The following ROBO2 variants were observed in gnomAD, a reference collection of about 807,000 sequenced individuals.
ROBO2 encodes roundabout homolog 2.
ROBO2 carries 53 observed loss-of-function variants against 160.8 expected under a neutral mutation model. That is an observed-to-expected ratio of 0.33 (90% CI 0.26 to 0.41). The LOEUF is 0.41. ROBO2 is among the 10% of genes least tolerant of loss of function. The probability of loss-of-function intolerance (pLI) is 1.00; values close to 1 mark genes in which losing one functional copy is unlikely to be tolerated. For synonymous variants in ROBO2, 664 were observed against 611.7 expected (o/e 1.09, Z -1.26); for missense variants, 1,577 against 1,722.4 (o/e 0.92, Z 1.49).
At chr3:77,588,019 T>C (rs2094096563) in intron 16 of ROBO2, among the ~76,000 whole-genome samples, 1 of 152,106 alleles carries the variant, frequency 6.6e-6, no homozygotes, top group Non-Finnish European at 1.5e-5. Context: ...ATAATCTTAG[T>C]TCAGATTTAA....
intron 2 of ROBO2, among the ~76,000 whole-genome samples, chr3:76,968,572 A>G (rs1029693402): frequency 6.6e-6 from 1 of 152,204 alleles, no homozygotes; most frequent in African/African-American, 2.4e-5. Flanking sequence ...TTAAATGCCA[A>G]TGATTAAGTC....
chr3:75,991,025 C>G (rs1048644097), intron 2 of ROBO2, among the ~76,000 whole-genome samples: 2 of 152,316 alleles, frequency 1.3e-5, no homozygotes, highest in African/African-American at 4.8e-5. Flanking sequence ...ATTGTCACTC[C>G]TGGTTCTTTG....
chr3:76,488,053 T>TATAAAC (rs1439414522), intron 2 of ROBO2, among the ~76,000 whole-genome samples: 4 of 152,174 alleles, frequency 2.6e-5, no homozygotes, highest in Non-Finnish European at 4.4e-5. Context: ...TACACAACCA[T>TATAAAC]ATAAACACGG....
chr3:76,824,258 G>A (rs2066380105), intron 2 of ROBO2, among the ~76,000 whole-genome samples: 1 of 152,158 alleles, frequency 6.6e-6, no homozygotes, highest in Non-Finnish European at 1.5e-5. Flanking sequence ...TAACTGCAGG[G>A]AGGCAAGTAG....
chr3:77,079,286 G>C (rs2068367908), intron 1 of ROBO2, among the ~76,000 whole-genome samples: 1 of 152,150 alleles, frequency 6.6e-6, no homozygotes, highest in Non-Finnish European at 1.5e-5. Context: ...AATACTTTGT[G>C]TTATACTTTA....
At chr3:76,680,927 C>T (rs2092545193) in intron 2 of ROBO2, among the ~76,000 whole-genome samples, 1 of 152,008 alleles carries the variant, frequency 6.6e-6, no homozygotes, top group African/African-American at 2.4e-5. Context: ...CCGGGATGCA[C>T]CATCACGCCC....
chr3:77,354,199 C>T (rs75278963), intron 2 of ROBO2, among the ~76,000 whole-genome samples: 1,667 of 152,264 alleles, frequency 0.011, 18 homozygotes, highest in Middle Eastern at 0.017. Context: ...TCTTCTATTT[C>T]CTGAACAAGT....
chr3:76,172,436 TAAAAA>T (rs59265395), intron 2 of ROBO2, among the ~76,000 whole-genome samples: 3 of 124,752 alleles, frequency 2.4e-5, no homozygotes, highest in African/African-American at 3.0e-5. Flanking sequence ...GTATAATAAT[TAAAAA>T]AAAAAAAAAA....
chr3:76,044,702 T>G (rs777516729), intron 2 of ROBO2, among the ~76,000 whole-genome samples: 3 of 151,974 alleles, frequency 2.0e-5, no homozygotes, highest in Non-Finnish European at 4.4e-5. Flanking sequence ...CAGAAAAAAC[T>G]CATAGGAATG....
At chr3:76,528,661 T>C (rs976627687) in intron 2 of ROBO2, among the ~76,000 whole-genome samples, 1 of 151,868 alleles carries the variant, frequency 6.6e-6, no homozygotes, top group Non-Finnish European at 1.5e-5. Flanking sequence ...ATTCTGGAGT[T>C]CAAGAGACAG....
At chr3:77,408,831 C>T (rs1003199519) in intron 2 of ROBO2, among the ~76,000 whole-genome samples, 1 of 151,948 alleles carries the variant, frequency 6.6e-6, no homozygotes, top group African/African-American at 2.4e-5. Context: ...ATCAAGGGAT[C>T]TTCCTGCCTC....
At chr3:76,365,732 T>C (rs1470719550) in intron 2 of ROBO2, among the ~76,000 whole-genome samples, 1 of 152,084 alleles carries the variant, frequency 6.6e-6, no homozygotes, top group Non-Finnish European at 1.5e-5. Context: ...AAACTATCTA[T>C]TAAATTGAAT....
At chr3:77,167,812 C>T (rs2079237002) in intron 2 of ROBO2, among the ~76,000 whole-genome samples, 2 of 152,020 alleles carry the variant, frequency 1.3e-5, no homozygotes, top group African/African-American at 2.4e-5. Flanking sequence ...ATGGAAGTTA[C>T]CCTGACACTT....
At chr3:76,603,103 G>A (rs530846752) in intron 2 of ROBO2, among the ~76,000 whole-genome samples, 75 of 151,458 alleles carry the variant, frequency 5.0e-4, no homozygotes, top group Non-Finnish European at 1.0e-3. Context: ...AGGCCGAGGC[G>A]GGCAGATCAT....
intron 2 of ROBO2, among the ~76,000 whole-genome samples, chr3:76,187,572 C>A (rs889712428): frequency 1.2e-4 from 18 of 152,122 alleles, no homozygotes; most frequent in Non-Finnish European, 1.3e-4. Flanking sequence ...CCATGCCTGG[C>A]CAAATTGTCT....
At chr3:77,245,993 A>T (rs1268845946) in intron 2 of ROBO2, among the ~76,000 whole-genome samples, 1 of 152,232 alleles carries the variant, frequency 6.6e-6, no homozygotes, top group African/African-American at 2.4e-5. Flanking sequence ...TTAAATCAGA[A>T]TTAAGTCCTG....
chr3:76,778,211 T>C (rs1192144528), intron 2 of ROBO2, among the ~76,000 whole-genome samples: 2 of 151,056 alleles, frequency 1.3e-5, no homozygotes, highest in Non-Finnish European at 3.0e-5. Flanking sequence ...GTGTATCAGA[T>C]AGAGAAAAAG....
At chr3:75,928,217 C>CTCG (rs1947369217) in intron 1 of ROBO2, among the ~76,000 whole-genome samples, 1 of 151,818 alleles carries the variant, frequency 6.6e-6, no homozygotes, top group Admixed American at 6.6e-5. Context: ...ATCTCCTGAC[C>CTCG]TCGTGATCCA....
chr3:77,311,609 A>T (rs2063546731), intron 2 of ROBO2, among the ~76,000 whole-genome samples: 1 of 152,222 alleles, frequency 6.6e-6, no homozygotes, highest in Non-Finnish European at 1.5e-5. Context: ...AGTCATCTTG[A>T]TTCACAGGAA....
Sources: gnomAD v4.1 joint callset for allele counts (sites outside exome capture counted in the v4.1 genomes callset) on GRCh38, gnomAD v4.1.1 for gene constraint, MANE v1.5 for transcripts, NCBI Gene and HGNC (gene_info 2026-07-23, HGNC 2026-07-21) for gene names.